GALNT13: variants seen among roughly 807,000 people sequenced by gnomAD.
GALNT13 encodes polypeptide N-acetylgalactosaminyltransferase 13.
GALNT13 carries 28 observed loss-of-function variants against 64.2 expected under a neutral mutation model. The ratio of observed to expected loss-of-function variants is 0.44; its 90% CI spans 0.32 to 0.60. The LOEUF (loss-of-function observed/expected upper bound fraction) is 0.60, where lower values mean the gene tolerates loss of function less well. GALNT13 is among the 20% of genes least tolerant of loss of function. The pLI is 0.05. For missense variants in GALNT13, 577 were observed against 669.8 expected (o/e 0.86, Z 1.53); for synonymous variants, 214 against 224.6 (o/e 0.95, Z 0.42).
chr2:154,217,480 G>A (rs1688107264), intron 4 of GALNT13, among the ~76,000 whole-genome samples: 2 of 152,184 alleles, frequency 1.3e-5, no homozygotes, highest in South Asian at 4.1e-4. Flanking sequence ...TGTATCATAT[G>A]TTCTATTCTA....
intron 2 of GALNT13, among the ~76,000 whole-genome samples, chr2:153,923,838 G>C (rs914802603): frequency 2.0e-5 from 3 of 151,916 alleles, no homozygotes; most frequent in Non-Finnish European, 4.4e-5. Flanking sequence ...ATGGTTTCCA[G>C]CTTCATCCAT....
At chr2:154,356,319 T>G (rs1403023186) in intron 9 of GALNT13, among the ~76,000 whole-genome samples, 2 of 152,020 alleles carry the variant, frequency 1.3e-5, no homozygotes, top group Non-Finnish European at 2.9e-5. Context: ...ACTCTAAAAT[T>G]GTGTGTTTTC....
At chr2:153,714,884 T>C in the GALNT13 span, among the ~76,000 whole-genome samples, 1 of 152,214 alleles carries the variant, frequency 6.6e-6, no homozygotes, top group Non-Finnish European at 1.5e-5. Flanking sequence ...CATTTGAGTC[T>C]CAAAGAGTCT....
intron 3 of GALNT13, among the ~76,000 whole-genome samples, chr2:154,122,656 G>A (rs1196937522): frequency 6.6e-6 from 1 of 151,878 alleles, no homozygotes; most frequent in Non-Finnish European, 1.5e-5. Context: ...GTAGTTTTGT[G>A]TGTTTTGATA....
chr2:154,258,557 A>AT lies in GALNT13; in HGVS notation c.858-456dup, dbSNP rs34554806. ...TTCTATAAACATTTTATAGAATTTA[A>AT]TTTTTTTTATTTTTAAATAGGCTAT... is the stretch of plus-strand genomic sequence containing the variant. On this transcript the variant is annotated intron_variant, in intron 7 of 12. Coordinates refer to ENST00000392825, the MANE Select transcript of GALNT13 (RefSeq NM_052917.4). 2.6e-5 allele frequency among the ~76,000 whole-genome samples: 4 copies of AT among 151,988 alleles called. No homozygotes were observed. The East Asian group carries it at 5.8e-4, about 22-fold the overall frequency.
chr2:154,350,993 G>A (rs1696364260), intron 9 of GALNT13, among the ~76,000 whole-genome samples: 1 of 152,166 alleles, frequency 6.6e-6, no homozygotes. Flanking sequence ...GATTAAGGTA[G>A]GTATGGGAAA....
the GALNT13 span, among the ~76,000 whole-genome samples, chr2:153,489,088 G>A: frequency 6.6e-6 from 1 of 152,282 alleles, no homozygotes; most frequent in African/African-American, 2.4e-5. Flanking sequence ...TATGGACATA[G>A]GGAGTGGAAT....
chr2:153,884,766 A>AATATATATATATATATATATAT lies in GALNT13; in HGVS notation c.-177+12483_-177+12484insATATATATATATATATATATAT, dbSNP rs372541314. Among the ~76,000 whole-genome samples the AATATATATATATATATATATAT allele has an allele frequency of 1.2e-3, 134 of 116,300 alleles. 1 individual carries two copies. Among genetic ancestry groups the AATATATATATATATATATATAT allele is most frequent in the African/African-American group, 3.7e-3 (103 of 27,582 alleles). 76.3% of individuals were successfully genotyped at this position (116,300 alleles called of 152,430 possible). ...AAACCCAGTCTGTACTAAAAATACG[A>AATATATATATATATATATATAT]ATATATATATATATATATATGTGTG... On this transcript the variant is annotated intron_variant, in intron 1 of 12. Coordinates refer to ENST00000392825, the MANE Select transcript of GALNT13 (RefSeq NM_052917.4).
chr2:153,674,580 C>A, the GALNT13 span, among the ~76,000 whole-genome samples: 1 of 152,188 alleles, frequency 6.6e-6, no homozygotes, highest in East Asian at 1.9e-4. Context: ...AATGTAAGAC[C>A]TCAAACCTTA....
the GALNT13 span, among the ~76,000 whole-genome samples, chr2:153,184,262 G>A: frequency 8.5e-5 from 13 of 152,056 alleles, no homozygotes; most frequent in African/African-American, 2.7e-4. Flanking sequence ...TCATGATTTG[G>A]TTCTCGGCTT....
rs923932711 is a variant in GALNT13 at position 154,294,583 on chromosome 2, C to G, written c.976-6826C>G. 1.3e-5 allele frequency among the ~76,000 whole-genome samples: 2 copies of G among 152,224 alleles called. 1 individual carries two copies. The highest frequency in any genetic ancestry group is 4.1e-4 in the South Asian group (2 of 4,826). Reference sequence around the variant, plus strand: ...ACAGATTCACAAAAGGAAATCATGACAAATTTATTTAACCCAAGTTTTATG... The same window carrying G: ...ACAGATTCACAAAAGGAAATCATGAGAAATTTATTTAACCCAAGTTTTATG... On this transcript the variant is annotated intron_variant, in intron 8 of 12. Transcript: ENST00000392825.
chr2:153,454,016 AAAT>A, the GALNT13 span, among the ~76,000 whole-genome samples: 2 of 152,192 alleles, frequency 1.3e-5, no homozygotes, highest in Non-Finnish European at 1.5e-5. Context: ...TAATGCAGAA[AAAT>A]AATAAAAAAA....
intron 8 of GALNT13, among the ~76,000 whole-genome samples, chr2:154,283,340 C>T (rs963369884): frequency 2.6e-5 from 4 of 151,888 alleles, no homozygotes; most frequent in African/African-American, 9.7e-5. Context: ...TTCCTGATTC[C>T]ATTACATGGT....
At chr2:153,372,214 A>T in the GALNT13 span, among the ~76,000 whole-genome samples, 1 of 152,166 alleles carries the variant, frequency 6.6e-6, no homozygotes, top group Non-Finnish European at 1.5e-5. Context: ...AATTTTACTT[A>T]ACCTCTTATG....
At chr2:154,188,361 T>C (rs1005371739) in intron 4 of GALNT13, among the ~76,000 whole-genome samples, 4 of 152,106 alleles carry the variant, frequency 2.6e-5, no homozygotes, top group African/African-American at 9.7e-5. Context: ...GCAGACAAAA[T>C]ATAAGTTTGC....
the GALNT13 span, among the ~76,000 whole-genome samples, chr2:153,371,505 C>G: frequency 6.6e-6 from 1 of 152,038 alleles, no homozygotes; most frequent in Non-Finnish European, 1.5e-5. Flanking sequence ...ACTAAAAAAT[C>G]CTTTATATAA....
At chr2:154,300,451 A>T (rs1228077753) in intron 8 of GALNT13, among the ~76,000 whole-genome samples, 1 of 152,168 alleles carries the variant, frequency 6.6e-6, no homozygotes, top group Non-Finnish European at 1.5e-5. Flanking sequence ...AACTCTACTT[A>T]AATCAGATGT....
chr2:153,174,268 C>T, the GALNT13 span, among the ~76,000 whole-genome samples: 10 of 152,228 alleles, frequency 6.6e-5, no homozygotes, highest in South Asian at 1.7e-3. Context: ...CCAAATAGTT[C>T]GATTGGTTTA....
chr2:154,034,473 A>AT (rs1698535677), intron 3 of GALNT13, among the ~76,000 whole-genome samples: 1 of 152,136 alleles, frequency 6.6e-6, no homozygotes, highest in South Asian at 2.1e-4. Context: ...TACAAGAGCA[A>AT]TTTTGTTACA....
Sources: allele counts gnomAD v4.1 joint callset (sites outside exome capture counted in the v4.1 genomes callset), GRCh38; gene constraint gnomAD v4.1.1; transcripts MANE v1.5; gene names NCBI Gene and HGNC (gene_info 2026-07-23, HGNC 2026-07-21).